The following IL1RL1 variants were observed in gnomAD, a reference collection of about 807,000 sequenced individuals.
IL1RL1 encodes the protein interleukin-1 receptor-like 1.
In IL1RL1, 32 loss-of-function variants were observed where a neutral mutation model predicts 50.9. The ratio of observed to expected loss-of-function variants is 0.63; its 90% CI spans 0.47 to 0.84. The LOEUF (loss-of-function observed/expected upper bound fraction) is 0.84. IL1RL1 is among the 40% of genes least tolerant of loss of function. The pLI, the probability that IL1RL1 is intolerant of heterozygous loss-of-function variation, is 0.00. For synonymous variants in IL1RL1, 275 were observed against 236.0 expected, an observed-to-expected ratio of 1.17 and a Z score of -1.51; for missense variants, 773 against 662.9, an observed-to-expected ratio of 1.17 and a Z score of -1.82.
At chr2:102,311,968 A>ATT (rs1553659786) in intron 1 of IL1RL1, among the ~76,000 whole-genome samples, 3 of 27,662 alleles carry the variant, frequency 1.1e-4, no homozygotes, top group African/African-American at 2.9e-4. Flanking sequence ...TATTATATAT[A>ATT]ATATTATATA....
Position 102,322,176 on chromosome 2 carries a change from G to A in IL1RL1, c.-150+10553G>A, listed in dbSNP as rs553330874. On this transcript the variant is annotated intron_variant, in intron 1 of 10. Coordinates refer to ENST00000233954, the MANE Select transcript of IL1RL1 (RefSeq NM_016232.5). ...TCTGAATTCCATAAGGCAGCCAGTC[G>A]GAATTTCAGGCGGGGTTTCTGTGTT... Among the ~76,000 whole-genome samples, 8 of 152,254 alleles carry A rather than the reference G, an allele frequency of 5.3e-5. 1 individual carries two copies. In the South Asian group the frequency reaches 1.0e-3, roughly 20 times the overall value.
At chr2:102,332,562 C>T (rs910845669) in intron 1 of IL1RL1, among the ~76,000 whole-genome samples, 1 of 152,106 alleles carries the variant, frequency 6.6e-6, no homozygotes, top group Non-Finnish European at 1.5e-5. Context: ...ACAAAGGGCA[C>T]TTATTGTGTG....
At chr2:102,337,275 A>C (rs985318484) in intron 1 of IL1RL1, 3 of 152,310 alleles carry the variant, frequency 2.0e-5, no homozygotes, top group Admixed American at 2.0e-4. Context: ...ACCTACAAAG[A>C]CTGGAAACTA....
chr2:102,318,238 G>T (rs1424022936), intron 1 of IL1RL1, among the ~76,000 whole-genome samples: 2 of 152,168 alleles, frequency 1.3e-5, no homozygotes, highest in South Asian at 4.1e-4. Context: ...AGATGGTGGT[G>T]GCTTGGATCA....
chr2:102,342,414 T>A (rs112538423), intron 6 of IL1RL1, 120 bp downstream of exon 6: 32 of 670,462 alleles, frequency 4.8e-5, no homozygotes, highest in African/African-American at 3.2e-4. Flanking sequence ...GAGGAGTAAG[T>A]GAGGTGACAT....
chr2:102,343,597 G>C (rs1331912478), intron 8 of IL1RL1, 182 bp downstream of exon 8: 1 of 1,471,260 alleles, frequency 6.8e-7, no homozygotes, highest in African/African-American at 1.4e-5. Context: ...TTTGCTGGGA[G>C]CTTCTCTGCT....
chr2:102,337,250 A>C (rs1417780616), intron 1 of IL1RL1: 1 of 152,308 alleles, frequency 6.6e-6, no homozygotes, highest in Admixed American at 6.5e-5. Flanking sequence ...GAGAGTGAGT[A>C]GTCTATGAGG....
At chr2:102,312,616 G>C (rs927018637) in intron 1 of IL1RL1, among the ~76,000 whole-genome samples, 8 of 152,068 alleles carry the variant, frequency 5.3e-5, no homozygotes, top group African/African-American at 1.9e-4. Flanking sequence ...GGGTGAGGAA[G>C]CAGGGTCATA....
chr2:102,334,845 A>G (rs183004485), intron 1 of IL1RL1, among the ~76,000 whole-genome samples: 1 of 152,334 alleles, frequency 6.6e-6, no homozygotes, highest in East Asian at 1.9e-4. Context: ...TGAGTGTCAC[A>G]TTCCATATGC....
At chr2:102,348,324 T>C (rs752181780) in intron 9 of IL1RL1, among the ~76,000 whole-genome samples, 3 of 152,204 alleles carry the variant, frequency 2.0e-5, no homozygotes, top group South Asian at 4.1e-4. Flanking sequence ...TCTTCCCCGA[T>C]AGGATTGCTA....
intron 1 of IL1RL1, among the ~76,000 whole-genome samples, chr2:102,335,636 T>A (rs1398518204): frequency 2.6e-5 from 4 of 152,222 alleles, no homozygotes; most frequent in African/African-American, 9.6e-5. Context: ...CAGAATTTCA[T>A]CATTATGATG....
intron 1 of IL1RL1, among the ~76,000 whole-genome samples, chr2:102,329,888 G>C (rs940964560): frequency 1.3e-5 from 2 of 152,202 alleles, no homozygotes; most frequent in Admixed American, 1.3e-4. Context: ...TACACCGTTG[G>C]TGGGACTGTA....
Position 102,343,918 on chromosome 2 carries a change from C to A in IL1RL1, c.970+503C>A, listed in dbSNP as rs540106928. On this transcript the variant is annotated intron_variant, in intron 8 of 10. Coordinates refer to ENST00000233954, the MANE Select transcript of IL1RL1 (RefSeq NM_016232.5). ...ACTACTGCCATTTCAGTGAGAAAATCCTAGGTGCTACTTTATAATAAGACA... is the reference window on the plus strand; with the variant it reads ...ACTACTGCCATTTCAGTGAGAAAATACTAGGTGCTACTTTATAATAAGACA... 9.6e-5 allele frequency: 96 copies of A among 995,152 alleles called. No individual in the cohort carries two copies. The South Asian group carries it at 3.8e-3, about 40-fold the overall frequency. The allele number at this position is 995,152 out of a possible 1,614,324, so 61.6% of individuals were successfully genotyped here.
At chr2:102,345,807 C>G in intron 8 of IL1RL1, 1 of 985,378 alleles carries the variant, frequency 1.0e-6, no homozygotes, top group Non-Finnish European at 1.2e-6. Context: ...GGCTGTGGAC[C>G]CCATCAAGGT....
At chr2:102,340,367 C>A in intron 4 of IL1RL1, 95 bp downstream of exon 4, 3 of 1,070,050 alleles carry the variant, frequency 2.8e-6, no homozygotes, top group Admixed American at 2.7e-5. Context: ...AATCCTAGCA[C>A]TTTGGGAGGC....
At position 102,328,146 on chromosome 2, in the gene IL1RL1, G is replaced by A. The variant is rs567678082; in HGVS notation, c.-149-9970G>A. The stretch of plus-strand genomic sequence containing the variant: ...ACCAAATCCAGCAGCACATCAAAAA[G>A]CTTATCCACCATGATCAAGTGGGCT... On this transcript the variant is annotated intron_variant, in intron 1 of 10. Coordinates refer to ENST00000233954, the MANE Select transcript of IL1RL1 (RefSeq NM_016232.5). 1.6e-4 allele frequency among the ~76,000 whole-genome samples: 25 copies of A among 152,268 alleles called. 1 individual carries two copies. The South Asian group carries it at 5.0e-3, about 30-fold the overall frequency.
intron 1 of IL1RL1, among the ~76,000 whole-genome samples, chr2:102,312,190 A>G (rs1262449006): frequency 1.4e-5 from 2 of 140,560 alleles, no homozygotes; most frequent in Non-Finnish European, 1.5e-5. Flanking sequence ...ATCTTCTGTT[A>G]AAAGAAAAAC....
At chr2:102,311,897 T>TATTATATAATATAATATATAA (rs1676492513) in intron 1 of IL1RL1, among the ~76,000 whole-genome samples, 2 of 49,872 alleles carry the variant, frequency 4.0e-5, no homozygotes, top group African/African-American at 7.5e-5. Context: ...ATATAATATA[T>TATTATATAATATAATATATAA]CATATATGTT....
intron 1 of IL1RL1, among the ~76,000 whole-genome samples, chr2:102,327,344 T>C (rs1256754648): frequency 1.3e-4 from 20 of 151,218 alleles, no homozygotes; most frequent in South Asian, 8.5e-4. Flanking sequence ...CTCTGGGACA[T>C]ATTTAAAGCA....
Sources: gnomAD v4.1 joint callset for allele counts (sites outside exome capture counted in the v4.1 genomes callset) on GRCh38, gnomAD v4.1.1 for gene constraint, MANE v1.5 for transcripts, NCBI Gene and HGNC (gene_info 2026-07-23, HGNC 2026-07-21) for gene names.